Variants in HADHB observed in about 807,000 individuals in gnomAD.
HADHB encodes the protein trifunctional enzyme subunit beta, mitochondrial.
HADHB carries 50 observed loss-of-function variants against 61.9 expected under a neutral mutation model. The ratio of observed to expected loss-of-function variants is 0.81; its 90% CI spans 0.64 to 1.02. The LOEUF (loss-of-function observed/expected upper bound fraction) is 1.02, where lower values mean the gene tolerates loss of function less well. HADHB is among the 50% of genes least tolerant of loss of function. The pLI, the probability that HADHB is intolerant of heterozygous loss-of-function variation, is 0.00. For synonymous variants in HADHB, 191 were observed against 201.6 expected (o/e 0.95, Z 0.45); for missense variants, 504 against 586.5 (o/e 0.86, Z 1.45).
At chr2:26,285,072 T>A in intron 14 of HADHB, 115 bp downstream of exon 14, 1 of 708,750 alleles carries the variant, frequency 1.4e-6, no homozygotes. Flanking sequence ...TGAAGAATTT[T>A]GTCTTTCATT....
rs113112630 is a variant in HADHB, at chr2:26,263,480, G to A, written c.209+1G>A. 10 of 1,545,244 alleles carry A rather than the reference G, an allele frequency of 6.5e-6. No individual in the cohort carries two copies. The highest frequency in any genetic ancestry group is 1.1e-5 in the South Asian group (1 of 89,692). On this transcript the variant is annotated splice_donor_variant, in intron 4 of 15. Transcript: ENST00000317799. LOFTEE classifies it high-confidence loss of function. Reference sequence around the variant, plus strand: ...CTCCATTTTTGCTGTCTGGCACTTCGTAAGTATGACATGATCATATTATTT... The same window carrying A: ...CTCCATTTTTGCTGTCTGGCACTTCATAAGTATGACATGATCATATTATTT...
intron 1 of HADHB, among the ~76,000 whole-genome samples, chr2:26,253,065 T>C (rs1671465017): frequency 6.6e-6 from 1 of 152,254 alleles, no homozygotes; most frequent in South Asian, 2.1e-4. Context: ...GAACATCTTT[T>C]CATATACTTA....
chr2:26,264,782 G>C (rs894715166), intron 4 of HADHB, among the ~76,000 whole-genome samples: 1 of 151,882 alleles, frequency 6.6e-6, no homozygotes, highest in Non-Finnish European at 1.5e-5. Context: ...GGCTAAGGTG[G>C]GTGGATCACT....
chr2:26,255,687 A>T (rs959166305), intron 3 of HADHB, among the ~76,000 whole-genome samples: 1 of 152,152 alleles, frequency 6.6e-6, no homozygotes, highest in African/African-American at 2.4e-5. Flanking sequence ...TGTCAGCCTC[A>T]TATAGTTATG....
At chr2:26,277,728 C>T (rs918733240) in intron 7 of HADHB, among the ~76,000 whole-genome samples, 17 of 152,232 alleles carry the variant, frequency 1.1e-4, no homozygotes, top group African/African-American at 3.9e-4. Context: ...CAGGGATTAT[C>T]AACTGGAGGA....
At chr2:26,283,881 C>T (rs1672905024) in intron 12 of HADHB, among the ~76,000 whole-genome samples, 1 of 152,170 alleles carries the variant, frequency 6.6e-6, no homozygotes, top group South Asian at 2.1e-4. Context: ...TTAGCTTGTC[C>T]TTATCCCTCA....
intron 15 of HADHB, 61 bp downstream of exon 15, chr2:26,285,632 G>A: frequency 8.3e-7 from 1 of 1,201,778 alleles, no homozygotes; most frequent in Non-Finnish European, 1.2e-6. Context: ...TGACTAGAAT[G>A]TATGATTTAG....
At chr2:26,266,128 T>C (rs1672066631) in intron 4 of HADHB, among the ~76,000 whole-genome samples, 1 of 150,992 alleles carries the variant, frequency 6.6e-6, no homozygotes. Context: ...TAGCCAGGCA[T>C]GGTGGTGCAT....
At chr2:26,279,568 C>T (rs559353030) in intron 9 of HADHB, among the ~76,000 whole-genome samples, 5 of 151,358 alleles carry the variant, frequency 3.3e-5, no homozygotes, top group African/African-American at 9.7e-5. Context: ...GCAGGAGGAT[C>T]GCTTGAGGCC....
intron 15 of HADHB, among the ~76,000 whole-genome samples, 168 bp downstream of exon 15, chr2:26,285,739 G>GTTTTTTTTTGTTTTTTTT (rs1673001596): frequency 1.5e-5 from 1 of 65,082 alleles, no homozygotes; most frequent in African/African-American, 6.6e-5. Context: ...TGTTTTTTGG[G>GTTTTTTTTTGTTTTTTTT]TTTTTTTTTT....
rs753474001 is a variant in HADHB, at chr2:26,278,759, G to A, written c.588G>A (p.Leu196=). The A allele has an allele frequency of 2.5e-6, 4 of 1,614,152 alleles. No homozygotes were observed. The highest frequency in any genetic ancestry group is 2.2e-5 in the South Asian group (2 of 91,080). The change falls in exon 8 of 16, where the codon CTG becomes CTA. Residue 196 remains leucine, a synonymous_variant. Transcript: ENST00000317799. ...AGGCCAAATCTATGGGCCAGCGACT[G>A]TCTTTAATCTCTAAATTCCGATTTA... ...LNKAKSMGQR[L]SLISKFRFNF...
intron 5 of HADHB, among the ~76,000 whole-genome samples, chr2:26,270,973 G>T (rs1424357302): frequency 6.6e-6 from 1 of 150,864 alleles, no homozygotes; most frequent in African/African-American, 2.4e-5. Flanking sequence ...CTGCCTGCCG[G>T]GTTCACGCCA....
At chr2:26,245,283 T>G (rs533861999) in intron 1 of HADHB, 5 of 162,488 alleles carry the variant, frequency 3.1e-5, no homozygotes, top group Non-Finnish European at 6.8e-5. Context: ...TGTGTGTGGG[T>G]GTGTGTGGGC....
At chr2:26,249,871 G>T (rs552868691) in intron 1 of HADHB, among the ~76,000 whole-genome samples, 2 of 152,012 alleles carry the variant, frequency 1.3e-5, no homozygotes, top group African/African-American at 4.8e-5. Context: ...GAGAGAATGA[G>T]ATTATTCTGA....
intron 14 of HADHB, among the ~76,000 whole-genome samples, 200 bp downstream of exon 14, chr2:26,285,157 A>G (rs1672974666): frequency 6.6e-6 from 1 of 152,210 alleles, no homozygotes; most frequent in African/African-American, 2.4e-5. Context: ...TAGTTTAAAA[A>G]TAGAAATTAT....
chr2:26,275,748 G>A (rs1672513387), intron 6 of HADHB, among the ~76,000 whole-genome samples: 1 of 152,218 alleles, frequency 6.6e-6, no homozygotes, highest in African/African-American at 2.4e-5. Flanking sequence ...GGAAAGACCA[G>A]AATGAGGTCA....
chr2:26,269,923 T>TTA, intron 4 of HADHB, 30 bp from the exon 5 acceptor site: 1 of 1,530,162 alleles, frequency 6.5e-7, no homozygotes. Context: ...TCTAGGGTTT[T>TTA]GGTTTAAATT....
Position 26,282,828 on chromosome 2 carries a change from G to T in HADHB, c.934-17G>T, listed in dbSNP as rs773143744. The T allele has an allele frequency of 6.3e-7, 1 of 1,587,658 alleles. No homozygotes were observed. Among genetic ancestry groups the T allele is most frequent in the South Asian group, 1.1e-5 (1 of 90,498 alleles). ...ACAGGCTGAAGAATTTTAACATTGT[G>T]CTGGTTAACATTTCAGACTGATGGT... On this transcript the variant is annotated splice_polypyrimidine_tract_variant and intron_variant, in intron 10 of 15. Coordinates refer to ENST00000317799, the MANE Select transcript of HADHB (RefSeq NM_000183.3).
intron 4 of HADHB, among the ~76,000 whole-genome samples, chr2:26,265,388 G>A (rs1330846765): frequency 6.6e-6 from 1 of 152,142 alleles, no homozygotes; most frequent in Non-Finnish European, 1.5e-5. Flanking sequence ...CTGAGGTTAG[G>A]AGTTTGAGAC....
Sources: allele counts gnomAD v4.1 joint callset (sites outside exome capture counted in the v4.1 genomes callset), GRCh38; gene constraint gnomAD v4.1.1; transcripts MANE v1.5; gene names NCBI Gene and HGNC (gene_info 2026-07-23, HGNC 2026-07-21).